The following SHANK2 variants were observed in gnomAD, a reference collection of about 807,000 sequenced individuals.
SHANK2 encodes the protein SH3 and multiple ankyrin repeat domains 2.
A neutral mutation model predicts 133.7 loss-of-function variants in SHANK2; 43 were observed. The ratio of observed to expected loss-of-function variants is 0.32; its 90% CI spans 0.25 to 0.41. The LOEUF (loss-of-function observed/expected upper bound fraction) is 0.41. Among genes scored for constraint, SHANK2 ranks in the 10% least tolerant of loss-of-function variants. The pLI is 1.00. For missense variants in SHANK2, 1,994 were observed against 2,235.8 expected (o/e 0.89, Z 2.18); for synonymous variants, 1,017 against 952.8 (o/e 1.07, Z -1.24).
intron 11 of SHANK2, among the ~76,000 whole-genome samples, chr11:70,834,283 G>A (rs1748546567): frequency 6.6e-6 from 1 of 151,942 alleles, no homozygotes; most frequent in Non-Finnish European, 1.5e-5. Context: ...ACACAGGGGA[G>A]CACCTGAGCC....
At chr11:70,858,848 C>T (rs996052736) in intron 11 of SHANK2, among the ~76,000 whole-genome samples, 2 of 152,240 alleles carry the variant, frequency 1.3e-5, no homozygotes, top group Non-Finnish European at 2.9e-5. Context: ...CAAGTTCTTT[C>T]CTACTGCAGG....
chr11:70,538,491 G>A (rs533204662), intron 17 of SHANK2, among the ~76,000 whole-genome samples: 36 of 152,238 alleles, frequency 2.4e-4, no homozygotes, highest in African/African-American at 4.8e-4. Flanking sequence ...CTGGGGATGC[G>A]TCCTCCCCTG....
chr11:70,820,061 G>A (rs1948483462), intron 12 of SHANK2, among the ~76,000 whole-genome samples: 1 of 152,154 alleles, frequency 6.6e-6, no homozygotes, highest in South Asian at 2.1e-4. Context: ...CACAAGGAAA[G>A]GAAACAGGAC....
chr11:71,089,481 TATCTC>T (rs1368803244), intron 8 of SHANK2, among the ~76,000 whole-genome samples: 1 of 151,864 alleles, frequency 6.6e-6, no homozygotes, highest in Non-Finnish European at 1.5e-5. Flanking sequence ...TTCGTCTTTC[TATCTC>T]ATGTCTGGTT....
chr11:70,776,478 T>C (rs982958667), intron 14 of SHANK2, among the ~76,000 whole-genome samples: 3 of 152,196 alleles, frequency 2.0e-5, no homozygotes, highest in African/African-American at 7.2e-5. Context: ...CCAGTGATGT[T>C]GCTGGTATCG....
intron 14 of SHANK2, among the ~76,000 whole-genome samples, chr11:70,784,059 G>A (rs1405383227): frequency 6.6e-6 from 1 of 152,206 alleles, no homozygotes; most frequent in Non-Finnish European, 1.5e-5. Context: ...GGCCCCAAGG[G>A]TGTCTCCGGG....
chr11:70,892,368 C>T (rs1336768502), intron 11 of SHANK2, among the ~76,000 whole-genome samples: 25 of 152,030 alleles, frequency 1.6e-4, no homozygotes, highest in Non-Finnish European at 3.1e-4. Context: ...GGGGGGACTG[C>T]CCTGTTGGTG....
chr11:70,688,561 T>C (rs920845318), intron 15 of SHANK2, among the ~76,000 whole-genome samples: 8 of 152,204 alleles, frequency 5.3e-5, no homozygotes, highest in African/African-American at 1.9e-4. Flanking sequence ...CTTGGCTCTT[T>C]GAAATTATAT....
chr11:71,130,345 C>T (rs1286380005), intron 3 of SHANK2, among the ~76,000 whole-genome samples: 2 of 152,138 alleles, frequency 1.3e-5, no homozygotes, highest in Non-Finnish European at 1.5e-5. Context: ...GAAAAGTATC[C>T]GGCCTGCCAG....
intron 6 of SHANK2, among the ~76,000 whole-genome samples, chr11:71,098,675 T>C (rs1951667825): frequency 6.6e-6 from 1 of 152,174 alleles, no homozygotes; most frequent in Admixed American, 6.5e-5. Context: ...AGCTGGGTTA[T>C]AAGTCAACCA....
At chr11:70,954,384 A>G (rs1950887044) in intron 10 of SHANK2, among the ~76,000 whole-genome samples, 2 of 152,220 alleles carry the variant, frequency 1.3e-5, no homozygotes, top group Admixed American at 1.3e-4. Flanking sequence ...TGATCAGAGG[A>G]ACTGCAGAGT....
intron 17 of SHANK2, among the ~76,000 whole-genome samples, chr11:70,562,114 T>C (rs781999677): frequency 6.6e-6 from 1 of 152,266 alleles, no homozygotes; most frequent in Non-Finnish European, 1.5e-5. Flanking sequence ...TCTAGAGATC[T>C]TTCTCTTACT....
In SHANK2 at chr11:70,489,697, C is replaced by G. The variant is rs951118265; in HGVS notation, c.2552-349G>C. On this transcript the variant is annotated intron_variant, in intron 23 of 25. Coordinates refer to ENST00000601538, the MANE Select transcript of SHANK2 (RefSeq NM_012309.5). ...CTGAATTATCTCACAAAGGGACTGT[C>G]TCAAAGGGTCAAGTGTGACCTTGTC... is the stretch of plus-strand genomic sequence containing the variant. The G allele has an allele frequency of 1.3e-5, 5 of 383,652 alleles. No homozygotes were observed. The East Asian group carries it at 2.7e-4, about 21-fold the overall frequency. The allele number at this position is 383,652 out of a possible 1,614,324, so 23.8% of individuals were successfully genotyped here.
At chr11:70,515,443 G>A (rs1446172920) in intron 17 of SHANK2, among the ~76,000 whole-genome samples, 5 of 151,754 alleles carry the variant, frequency 3.3e-5, no homozygotes, top group South Asian at 2.1e-4. Flanking sequence ...TATCTTCTTC[G>A]AAGGCCATAT....
At chr11:70,593,612 C>T (rs2060357723) in intron 17 of SHANK2, among the ~76,000 whole-genome samples, 1 of 152,222 alleles carries the variant, frequency 6.6e-6, no homozygotes, top group Non-Finnish European at 1.5e-5. Flanking sequence ...CCCCAGGGAG[C>T]TCTGTCCACA....
At chr11:70,634,394 G>T (rs1490321662) in intron 17 of SHANK2, 1 of 152,100 alleles carries the variant, frequency 6.6e-6, no homozygotes, top group African/African-American at 2.4e-5. Flanking sequence ...TAAATACTAA[G>T]GTCGATGAAA....
chr11:70,800,438 T>C (rs1238745567), intron 13 of SHANK2, among the ~76,000 whole-genome samples: 1 of 152,228 alleles, frequency 6.6e-6, no homozygotes, highest in Non-Finnish European at 1.5e-5. Flanking sequence ...ATCTTTACCT[T>C]CTTTTAAATT....
chr11:71,237,411 C>G lies in SHANK2; in HGVS notation c.-112-12615G>C, dbSNP rs139215749. ...GCCTTTGACCACTGTTTTGGAGAGA[C>G]ACTGCACAGCACGCAAGCACGACAT... On this transcript the variant is annotated intron_variant, in intron 1 of 25. Transcript: ENST00000601538. Among the ~76,000 whole-genome samples the G allele has an allele frequency of 7.2e-5, 11 of 152,316 alleles. No homozygotes were observed. The East Asian group carries it at 2.1e-3, about 29-fold the overall frequency.
intron 10 of SHANK2, chr11:70,943,179 G>A (rs1226561524): frequency 2.3e-6 from 1 of 440,450 alleles, no homozygotes; most frequent in Non-Finnish European, 4.5e-6. Context: ...TGAGAAGATG[G>A]TGCTCAGTCA....
Sources: gnomAD v4.1 joint callset for allele counts (sites outside exome capture counted in the v4.1 genomes callset) on GRCh38, gnomAD v4.1.1 for gene constraint, MANE v1.5 for transcripts, NCBI Gene and HGNC (gene_info 2026-07-23, HGNC 2026-07-21) for gene names.